PRKG1: variants seen among roughly 807,000 people sequenced by gnomAD.
PRKG1 encodes cGMP-dependent protein kinase 1.
In PRKG1, 35 loss-of-function variants were observed where a neutral mutation model predicts 88.1. That is an observed-to-expected ratio of 0.40 (90% confidence interval 0.30 to 0.53). The LOEUF (loss-of-function observed/expected upper bound fraction) is 0.53, where lower values mean the gene tolerates loss of function less well. Among genes scored for constraint, PRKG1 ranks in the 20% least tolerant of loss-of-function variants. The pLI is 0.59. For synonymous variants in PRKG1, 303 were observed against 292.5 expected, an observed-to-expected ratio of 1.04 and a Z score of -0.37; for missense variants, 540 against 839.8, an observed-to-expected ratio of 0.64 and a Z score of 4.41.
chr10:51,469,947 T>C (rs1840004461), intron 3 of PRKG1, among the ~76,000 whole-genome samples: 1 of 151,976 alleles, frequency 6.6e-6, no homozygotes, highest in Non-Finnish European at 1.5e-5. Flanking sequence ...ATAAGCACTA[T>C]GAAGCATGAA....
At chr10:50,995,722 T>C (rs1424200111) in intron 1 of PRKG1, among the ~76,000 whole-genome samples, 1 of 152,222 alleles carries the variant, frequency 6.6e-6, no homozygotes, top group Non-Finnish European at 1.5e-5. Context: ...CAGTGTATGC[T>C]CAGGAACCGC....
chr10:51,918,247 G>A (rs749030819), intron 5 of PRKG1, among the ~76,000 whole-genome samples: 12 of 151,896 alleles, frequency 7.9e-5, no homozygotes, highest in South Asian at 2.1e-4. Context: ...GAAAGTTTGC[G>A]GAATTAATAA....
intron 5 of PRKG1, among the ~76,000 whole-genome samples, chr10:52,024,947 C>T (rs1845293964): frequency 6.6e-6 from 1 of 152,190 alleles, no homozygotes; most frequent in South Asian, 2.1e-4. Flanking sequence ...ATCCCACCAA[C>T]AGTGTAAAAG....
intron 8 of PRKG1, 28 bp downstream of exon 8, chr10:52,133,933 T>G (rs1564483699): frequency 6.4e-7 from 1 of 1,559,640 alleles, no homozygotes. Flanking sequence ...TTATGTGAAT[T>G]ACACACTCAT....
chr10:51,537,443 C>T (rs775558612), intron 3 of PRKG1, among the ~76,000 whole-genome samples: 8 of 152,012 alleles, frequency 5.3e-5, no homozygotes, highest in Non-Finnish European at 1.2e-4. Flanking sequence ...ATTTAAATTA[C>T]TCAGAGAGGC....
chr10:51,742,324 C>T (rs183020105), intron 3 of PRKG1, among the ~76,000 whole-genome samples: 29 of 152,226 alleles, frequency 1.9e-4, no homozygotes, highest in Non-Finnish European at 3.2e-4. Flanking sequence ...ATTACATTTT[C>T]GGAAGATTTA....
intron 3 of PRKG1, among the ~76,000 whole-genome samples, chr10:51,566,909 T>C (rs1837619751): frequency 6.7e-6 from 1 of 149,320 alleles, no homozygotes. Context: ...TGTCAATATA[T>C]AGACACATAC....
chr10:51,968,701 T>C (rs1355900598), intron 5 of PRKG1, among the ~76,000 whole-genome samples: 26 of 151,106 alleles, frequency 1.7e-4, no homozygotes, highest in Non-Finnish European at 1.3e-4. Context: ...CAGGTGCTTA[T>C]AATCCCAGCT....
intron 3 of PRKG1, among the ~76,000 whole-genome samples, chr10:51,508,475 G>A (rs745530896): frequency 1.3e-5 from 2 of 151,924 alleles, no homozygotes; most frequent in South Asian, 2.1e-4. Flanking sequence ...AATTTTAATG[G>A]CATAGATATA....
intron 3 of PRKG1, among the ~76,000 whole-genome samples, chr10:51,520,074 T>C (rs1221850783): frequency 6.6e-6 from 1 of 152,088 alleles, no homozygotes; most frequent in Admixed American, 6.5e-5. Flanking sequence ...CAAATCCTGG[T>C]AAGGAGTAGT....
At chr10:51,044,140 C>T (rs1216965582) in intron 1 of PRKG1, among the ~76,000 whole-genome samples, 1 of 152,178 alleles carries the variant, frequency 6.6e-6, no homozygotes, top group Non-Finnish European at 1.5e-5. Context: ...TCCATTTTCT[C>T]AAATGAGAAG....
At chr10:51,009,859 G>C (rs74133937) in intron 1 of PRKG1, among the ~76,000 whole-genome samples, 3,591 of 152,262 alleles carry the variant, frequency 0.024, 78 homozygotes, top group African/African-American at 0.055. Flanking sequence ...GAACATTCAT[G>C]CTACCCAGAG....
At chr10:51,882,075 T>A (rs1841451875) in intron 4 of PRKG1, among the ~76,000 whole-genome samples, 1 of 152,196 alleles carries the variant, frequency 6.6e-6, no homozygotes, top group African/African-American at 2.4e-5. Flanking sequence ...TATGTAAGTT[T>A]AAAGCATAAA....
chr10:51,726,338 C>A (rs375301154), intron 3 of PRKG1, among the ~76,000 whole-genome samples: 3 of 152,150 alleles, frequency 2.0e-5, no homozygotes, highest in South Asian at 4.1e-4. Flanking sequence ...TTTGACTTTG[C>A]AAAAGAGTGT....
chr10:51,908,145 G>C (rs1209720984), intron 5 of PRKG1: 1 of 152,224 alleles, frequency 6.6e-6, no homozygotes, highest in Non-Finnish European at 1.5e-5. Flanking sequence ...TCAAATTGAT[G>C]AGCTTTATAC....
chr10:51,718,524 G>C (rs891013724), intron 3 of PRKG1, among the ~76,000 whole-genome samples: 1 of 152,082 alleles, frequency 6.6e-6, no homozygotes, highest in Non-Finnish European at 1.5e-5. Flanking sequence ...AGCCATTGGG[G>C]CATTTTAAGC....
intron 7 of PRKG1, among the ~76,000 whole-genome samples, chr10:52,120,330 C>T (rs1847790595): frequency 6.6e-6 from 1 of 152,168 alleles, no homozygotes; most frequent in African/African-American, 2.4e-5. Flanking sequence ...ATCCTTCTCA[C>T]ATTCAACATA....
intron 2 of PRKG1, among the ~76,000 whole-genome samples, chr10:51,310,835 A>C (rs913847884): frequency 1.3e-5 from 2 of 152,212 alleles, no homozygotes; most frequent in Non-Finnish European, 2.9e-5. Flanking sequence ...TAATATTAAA[A>C]GGTCACCCAA....
intron 2 of PRKG1, among the ~76,000 whole-genome samples, chr10:51,238,319 G>C (rs1839053922): frequency 6.6e-6 from 1 of 152,128 alleles, no homozygotes; most frequent in Non-Finnish European, 1.5e-5. Flanking sequence ...GATGGCTCAC[G>C]CCTATAATCC....
Sources: gnomAD v4.1 joint callset for allele counts (sites outside exome capture counted in the v4.1 genomes callset) on GRCh38, gnomAD v4.1.1 for gene constraint, MANE v1.5 for transcripts, NCBI Gene and HGNC (gene_info 2026-07-23, HGNC 2026-07-21) for gene names.